WDHD1: variants seen among roughly 807,000 people sequenced by gnomAD.
The protein encoded by WDHD1 is WD repeat and HMG-box DNA-binding protein 1.
Under a neutral mutation model 135.4 loss-of-function variants are expected in WDHD1, and 111 were observed. The ratio of observed to expected loss-of-function variants is 0.82; its 90% CI spans 0.70 to 0.96. The LOEUF (loss-of-function observed/expected upper bound fraction) is 0.96. Ranked by LOEUF, WDHD1 falls within the 40% of genes least tolerant of loss-of-function variation. The probability of loss-of-function intolerance (pLI) is 0.00; values close to 1 mark genes in which losing one functional copy is unlikely to be tolerated. For synonymous variants in WDHD1, 434 were observed against 439.0 expected, an observed-to-expected ratio of 0.99 and a Z score of 0.14; for missense variants, 1,351 against 1,336.3, an observed-to-expected ratio of 1.01 and a Z score of -0.17.
intron 18 of WDHD1, among the ~76,000 whole-genome samples, chr14:54,964,219 C>T (rs2041304097): frequency 6.6e-6 from 1 of 152,156 alleles, no homozygotes; most frequent in African/African-American, 2.4e-5. Context: ...TTAGATATTC[C>T]ATGTCTGATC....
In WDHD1 at chr14:54,941,201, A is replaced by C. The variant is rs139731967; in HGVS notation, c.*289T>G. ...AATACCTTGGCTTTAATGATTTTTC[A>C]AGGTTAAGAAACAAATTCAAATTGG... On this transcript the variant is annotated 3_prime_UTR_variant, in exon 26 of 26. Transcript: ENST00000360586. 3.7e-3 allele frequency: 866 copies of C among 236,012 alleles called. 8 individuals carry two copies. Among genetic ancestry groups the C allele is most frequent in the African/African-American group, 0.018 (805 of 44,132 alleles). The allele number at this position is 236,012 out of a possible 1,614,324, so 14.6% of individuals were successfully genotyped here.
chr14:54,946,536 A>T (rs1042420577), intron 24 of WDHD1, among the ~76,000 whole-genome samples: 8 of 152,152 alleles, frequency 5.3e-5, no homozygotes, highest in Admixed American at 2.6e-4. Context: ...CCCAGGCTGG[A>T]GTGCAGTGGT....
rs564423571 is a variant in WDHD1 at position 55,009,635 on chromosome 14, T to C, written c.341+674A>G. Reference sequence around the variant, plus strand: ...TTAATAGAGACGAGGTTTCACTGTGTTGGCCAGGCTGGTCTTGAACTCCTG... The same window carrying C: ...TTAATAGAGACGAGGTTTCACTGTGCTGGCCAGGCTGGTCTTGAACTCCTG... On this transcript the variant is annotated intron_variant, in intron 4 of 25. Coordinates refer to ENST00000360586, the MANE Select transcript of WDHD1 (RefSeq NM_007086.4). Among the ~76,000 whole-genome samples, 12 of 152,214 alleles carry C rather than the reference T, an allele frequency of 7.9e-5. No individual in the cohort carries two copies. In the South Asian group the frequency reaches 2.3e-3, roughly 29 times the overall value.
chr14:54,967,490 G>A (rs780908142), intron 16 of WDHD1, 96 bp from the exon 17 acceptor site: 89 of 755,002 alleles, frequency 1.2e-4, no homozygotes, highest in Non-Finnish European at 1.6e-4. Flanking sequence ...ACTTAGAATA[G>A]TAATATTATA....
At position 54,977,269 on chromosome 14, in the gene WDHD1, TA is replaced by T. The variant is rs1271909961; in HGVS notation, c.2063+4270del. Among the ~76,000 whole-genome samples the T allele has an allele frequency of 9.2e-5, 14 of 152,328 alleles. No individual in the cohort carries two copies. In the East Asian group the frequency reaches 2.7e-3, roughly 29 times the overall value. ...TTCCTGTAGGGCTGCTGAGCTATTA[TA>T]AAGTGTCTAGGAATGCACACAAGCA... is the stretch of plus-strand genomic sequence containing the variant. On this transcript the variant is annotated intron_variant, in intron 16 of 25. Coordinates refer to ENST00000360586, the MANE Select transcript of WDHD1 (RefSeq NM_007086.4).
intron 7 of WDHD1, 24 bp from the exon 8 acceptor site, chr14:55,002,209 A>G: frequency 6.7e-7 from 1 of 1,489,240 alleles, no homozygotes; most frequent in Non-Finnish European, 9.2e-7. Flanking sequence ...TAAACAACGT[A>G]AACAAAAGTT....
chr14:54,976,346 C>T (rs1242900095), intron 16 of WDHD1, among the ~76,000 whole-genome samples: 4 of 152,086 alleles, frequency 2.6e-5, no homozygotes, highest in Admixed American at 6.5e-5. Flanking sequence ...CTCAGCCTCC[C>T]GAGCAGCTGG....
Position 54,957,075 on chromosome 14 carries a change from G to T in WDHD1, c.2875C>A (p.Pro959Thr), listed in dbSNP as rs754891618. The T allele has an allele frequency of 6.2e-7, 1 of 1,613,954 alleles. No individual in the cohort carries two copies. The highest frequency in any genetic ancestry group is 8.5e-7 in the Non-Finnish European group (1 of 1,179,992). ...TTTGGAATCAGAGGCTTTATAATGG[G>T]AGACTTTTCATTATTTGTAGTTCGA... ...LSRTTNNEKS[P>T]IIKPLIPKPK... is the part of the protein sequence containing the mutation. The change falls in exon 23 of 26, where the codon CCC (proline) becomes ACC (threonine). Residue 959 changes from proline to threonine, a missense_variant. By Grantham distance (38) the Pro-to-Thr change is conservative (BLOSUM62 -1). Coordinates refer to ENST00000360586, the MANE Select transcript of WDHD1 (RefSeq NM_007086.4).
At chr14:55,017,281 T>C (rs1291781591) in intron 2 of WDHD1, among the ~76,000 whole-genome samples, 1 of 152,234 alleles carries the variant, frequency 6.6e-6, no homozygotes, top group East Asian at 1.9e-4. Flanking sequence ...TTATCCTTTA[T>C]TGTATCAAAT....
At chr14:54,992,665 A>G (rs909744326) in intron 11 of WDHD1, among the ~76,000 whole-genome samples, 1 of 152,224 alleles carries the variant, frequency 6.6e-6, no homozygotes, top group African/African-American at 2.4e-5. Flanking sequence ...TTGTAATTGC[A>G]GCACTTTGGG....
intron 12 of WDHD1, among the ~76,000 whole-genome samples, chr14:54,990,260 C>T (rs1035076146): frequency 6.6e-6 from 1 of 152,120 alleles, no homozygotes. Flanking sequence ...GCAAAATCCT[C>T]AGAATGGAAA....
chr14:54,952,334 C>CACCA (rs2140155265), intron 24 of WDHD1, among the ~76,000 whole-genome samples: 2 of 152,292 alleles, frequency 1.3e-5, no homozygotes, highest in Non-Finnish European at 2.9e-5. Flanking sequence ...CGCAAGCATT[C>CACCA]TTATACACCA....
intron 1 of WDHD1, 77 bp from the exon 2 acceptor site, chr14:55,026,880 T>TAGAG: frequency 1.1e-5 from 16 of 1,393,038 alleles, no homozygotes; most frequent in Non-Finnish European, 1.6e-5. Flanking sequence ...GAAGAGAGCT[T>TAGAG]AGTCTCCTCT....
intron 15 of WDHD1, among the ~76,000 whole-genome samples, chr14:54,982,356 G>A (rs2041632897): frequency 6.6e-6 from 1 of 152,110 alleles, no homozygotes; most frequent in Non-Finnish European, 1.5e-5. Flanking sequence ...ACATGAATCA[G>A]AAGGCTCCCG....
chr14:55,005,630 GCAAGGAA>G (rs2042053610), intron 7 of WDHD1: 1 of 591,914 alleles, frequency 1.7e-6, no homozygotes, highest in African/African-American at 1.8e-5. Context: ...GGTTCCTCCT[GCAAGGAA>G]CTTAAGGACA....
At chr14:54,989,316 T>A (rs753132175) in intron 12 of WDHD1, 104 bp from the exon 13 acceptor site, 1 of 886,370 alleles carries the variant, frequency 1.1e-6, no homozygotes, top group Non-Finnish European at 1.6e-6. Context: ...TAAATTTGTA[T>A]TAAGATTTAG....
In WDHD1 at chr14:54,951,353, A is replaced by G. The variant is rs1291122337; in HGVS notation, c.3050+4208T>C. Among the ~76,000 whole-genome samples, 597 of 152,142 alleles carry G rather than the reference A, an allele frequency of 3.9e-3. 13 individuals carry two copies. The South Asian group carries it at 0.046, about 12-fold the overall frequency. On this transcript the variant is annotated intron_variant, in intron 24 of 25. Transcript: ENST00000360586. ...CCCACAGAAATACAAACTACCATCA[A>G]AGAATACTATAAACACCTCTATGCA...
Position 54,964,099 on chromosome 14 carries a change from C to A in WDHD1, c.2311-927G>T, listed in dbSNP as rs556442284. On this transcript the variant is annotated intron_variant, in intron 18 of 25. Coordinates refer to ENST00000360586, the MANE Select transcript of WDHD1 (RefSeq NM_007086.4). ...CTCTAGCCTGGGTAACAGAGTGAGA[C>A]CCTTTCTCTAAAAAATACAAAAAAG... is the stretch of plus-strand genomic sequence containing the variant. Among the ~76,000 whole-genome samples the A allele has an allele frequency of 2.0e-5, 3 of 152,154 alleles. No individual in the cohort carries two copies. The South Asian group carries it at 6.2e-4, about 32-fold the overall frequency.
Position 54,949,190 on chromosome 14 carries a change from G to A in WDHD1, c.3051-4720C>T, listed in dbSNP as rs368483589. On this transcript the variant is annotated intron_variant, in intron 24 of 25. Transcript: ENST00000360586. The stretch of plus-strand genomic sequence containing the variant: ...GAGTTGAGAGAAGAAGGCTTCAGAC[G>A]ATCAAACCTCTCCGAGCTAAAGGAG... Among the ~76,000 whole-genome samples the A allele has an allele frequency of 4.6e-5, 7 of 152,076 alleles. No homozygotes were observed. In the South Asian group the frequency reaches 8.3e-4, roughly 18 times the overall value.
Sources: allele counts gnomAD v4.1 joint callset (sites outside exome capture counted in the v4.1 genomes callset), GRCh38; gene constraint gnomAD v4.1.1; transcripts MANE v1.5; gene names NCBI Gene and HGNC (gene_info 2026-07-23, HGNC 2026-07-21).